The following STOX2 variants were observed in gnomAD, a reference collection of about 807,000 sequenced individuals.
STOX2 encodes storkhead box 2.
STOX2 carries 28 observed loss-of-function variants against 60.9 expected under a neutral mutation model. The ratio of observed to expected loss-of-function variants is 0.46; its 90% confidence interval spans 0.34 to 0.63. The LOEUF (loss-of-function observed/expected upper bound fraction) is 0.63. STOX2 is among the 30% of genes least tolerant of loss of function. The pLI is 0.01. For synonymous variants in STOX2, 472 were observed against 463.9 expected, an observed-to-expected ratio of 1.02 and a Z score of -0.22; for missense variants, 1,024 against 1,187.7, an observed-to-expected ratio of 0.86 and a Z score of 2.03.
chr4:183,810,672 T>C (rs982475194), intron 1 of STOX2, among the ~76,000 whole-genome samples: 9 of 152,166 alleles, frequency 5.9e-5, no homozygotes, highest in Admixed American at 5.2e-4. Context: ...AATGCTGTTA[T>C]CTTGGGAGTG....
chr4:183,900,357 C>T (rs2111072836), upstream of STOX2, among the ~76,000 whole-genome samples: 1 of 152,174 alleles, frequency 6.6e-6, no homozygotes, highest in Admixed American at 6.5e-5. Context: ...GCTGTAGCTG[C>T]CATAGATCAT....
intron 1 of STOX2, among the ~76,000 whole-genome samples, chr4:183,981,114 T>C (rs1341853600): frequency 2.0e-5 from 3 of 152,234 alleles, no homozygotes; most frequent in African/African-American, 7.2e-5. Flanking sequence ...ATTGGGGGCA[T>C]ATTTGTCCCA....
intron 1 of STOX2, among the ~76,000 whole-genome samples, chr4:183,840,833 C>T (rs916922693): frequency 1.3e-5 from 2 of 152,188 alleles, no homozygotes; most frequent in Non-Finnish European, 2.9e-5. Context: ...AGACACTGCA[C>T]ACTGTGGATC....
At chr4:183,967,058 G>A (rs1743594295) in intron 1 of STOX2, among the ~76,000 whole-genome samples, 1 of 152,136 alleles carries the variant, frequency 6.6e-6, no homozygotes. Flanking sequence ...GAGGTGGGAA[G>A]GGTAGGCATT....
At chr4:183,829,339 A>C (rs1419358229) in intron 1 of STOX2, among the ~76,000 whole-genome samples, 2 of 152,244 alleles carry the variant, frequency 1.3e-5, no homozygotes, top group African/African-American at 4.8e-5. Context: ...CAGTAGTAGC[A>C]GAAAGAAAAG....
chr4:184,006,884 C>G (rs192889160), intron 2 of STOX2, among the ~76,000 whole-genome samples: 36 of 147,684 alleles, frequency 2.4e-4, no homozygotes, highest in Admixed American at 2.7e-4. Context: ...GGCGTAGTGG[C>G]GGGCGCCTGT....
At chr4:183,952,540 A>AT (rs1053806695) in intron 1 of STOX2, among the ~76,000 whole-genome samples, 4 of 152,230 alleles carry the variant, frequency 2.6e-5, no homozygotes, top group Admixed American at 2.0e-4. Flanking sequence ...TGTCCAAATA[A>AT]TTGGGGGTAA....
At chr4:183,827,429 C>G (rs1337053977) in intron 1 of STOX2, among the ~76,000 whole-genome samples, 1 of 151,918 alleles carries the variant, frequency 6.6e-6, no homozygotes, top group African/African-American at 2.4e-5. Flanking sequence ...GAGTTTGAAG[C>G]TGCAGTGAGC....
At chr4:183,841,387 T>C (rs771893384) in intron 1 of STOX2, among the ~76,000 whole-genome samples, 51 of 150,744 alleles carry the variant, frequency 3.4e-4, no homozygotes, top group Non-Finnish European at 5.9e-4. Context: ...TACTATTTTT[T>C]ATTTTTAGAG....
intron 1 of STOX2, among the ~76,000 whole-genome samples, chr4:183,866,198 CT>C (rs1740563113): frequency 6.6e-6 from 1 of 152,134 alleles, no homozygotes; most frequent in Non-Finnish European, 1.5e-5. Flanking sequence ...GTGGCCACCC[CT>C]CTGCCCCTTC....
chr4:183,953,967 C>A (rs2871385), intron 1 of STOX2, among the ~76,000 whole-genome samples: 63,752 of 151,952 alleles, frequency 0.42, 15,385 homozygotes, highest in African/African-American at 0.67. Context: ...ATGTATGCGA[C>A]ATGAGTGAGT....
At chr4:184,016,008 C>T (rs1335746983) in intron 3 of STOX2, 1 of 152,176 alleles carries the variant, frequency 6.6e-6, no homozygotes, top group African/African-American at 2.4e-5. Context: ...TCAAGTGTTT[C>T]TAACTTAGAA....
At chr4:183,831,079 T>C (rs376545474) in intron 1 of STOX2, among the ~76,000 whole-genome samples, 9 of 151,388 alleles carry the variant, frequency 5.9e-5, no homozygotes, top group Middle Eastern at 6.8e-3. Flanking sequence ...CCTGAGCAGC[T>C]GGCTTGGAGG....
chr4:183,877,397 G>T (rs1740853255), intron 1 of STOX2, among the ~76,000 whole-genome samples: 1 of 152,128 alleles, frequency 6.6e-6, no homozygotes, highest in South Asian at 2.1e-4. Flanking sequence ...TTGGAGTAGG[G>T]GAAACATGAA....
At chr4:183,981,995 T>G (rs1334651827) in intron 1 of STOX2, among the ~76,000 whole-genome samples, 1 of 152,226 alleles carries the variant, frequency 6.6e-6, no homozygotes, top group African/African-American at 2.4e-5. Context: ...CAGTTGACTT[T>G]TCTTTCGATA....
In STOX2 at chr4:184,017,833, T is replaced by C. The variant is rs1256042935; in HGVS notation, c.*549T>C. On this transcript the variant is annotated 3_prime_UTR_variant, in exon 4 of 4. Coordinates refer to ENST00000308497, the MANE Select transcript of STOX2 (RefSeq NM_020225.3). ...AACTAGAAGGGACCCCGGCCCTTTG[T>C]GTGTGAATTGTTTATGCACCAGTCA... 1 of 152,168 alleles carries C rather than the reference T, an allele frequency of 6.6e-6. No homozygotes were observed. Among genetic ancestry groups the C allele is most frequent in the Admixed American group, 6.5e-5 (1 of 15,280 alleles). The allele number at this position is 152,168 out of a possible 1,614,324, so 9.4% of individuals were successfully genotyped here.
intron 1 of STOX2, among the ~76,000 whole-genome samples, chr4:183,959,724 T>G (rs1006743413): frequency 1.3e-5 from 2 of 152,236 alleles, no homozygotes; most frequent in African/African-American, 4.8e-5. Flanking sequence ...AAGAATAATG[T>G]GAATATTTCA....
chr4:183,886,656 G>A (rs991003774), intron 1 of STOX2, among the ~76,000 whole-genome samples: 1 of 152,210 alleles, frequency 6.6e-6, no homozygotes, highest in Non-Finnish European at 1.5e-5. Flanking sequence ...TAAGATGCAA[G>A]TAGTAGTGGG....
chr4:183,824,634 A>G (rs1004065677), intron 1 of STOX2, among the ~76,000 whole-genome samples: 1 of 152,238 alleles, frequency 6.6e-6, no homozygotes, highest in African/African-American at 2.4e-5. Flanking sequence ...CAGAAATTAT[A>G]TTTATTTGAC....
Sources: gnomAD v4.1 joint callset for allele counts (sites outside exome capture counted in the v4.1 genomes callset) on GRCh38, gnomAD v4.1.1 for gene constraint, MANE v1.5 for transcripts, NCBI Gene and HGNC (gene_info 2026-07-23, HGNC 2026-07-21) for gene names.